Variants in DNM3 observed in about 807,000 individuals in gnomAD.
DNM3 encodes the protein dynamin-3.
Under a neutral mutation model 101.6 loss-of-function variants are expected in DNM3, and 47 were observed. That is an observed-to-expected ratio of 0.46 (90% confidence interval 0.37 to 0.59). DNM3 has a LOEUF of 0.59. DNM3 is among the 20% of genes least tolerant of loss of function. DNM3 has a pLI of 0.00. For synonymous variants in DNM3, 385 were observed against 387.9 expected, an observed-to-expected ratio of 0.99 and a Z score of 0.09; for missense variants, 849 against 1,085.7, an observed-to-expected ratio of 0.78 and a Z score of 3.06.
chr1:172,177,230 C>T (rs567385395), intron 14 of DNM3, among the ~76,000 whole-genome samples: 4 of 151,232 alleles, frequency 2.6e-5, no homozygotes, highest in Admixed American at 2.0e-4. Flanking sequence ...AACTGTGGTC[C>T]GAAAATAGGT....
intron 10 of DNM3, among the ~76,000 whole-genome samples, chr1:172,053,626 T>A (rs983529733): frequency 3.9e-5 from 6 of 152,180 alleles, no homozygotes; most frequent in Non-Finnish European, 7.3e-5. Flanking sequence ...TTATAAATAT[T>A]TACTAACAAT....
chr1:172,295,665 C>T (rs1305681400), intron 15 of DNM3, among the ~76,000 whole-genome samples: 2 of 151,892 alleles, frequency 1.3e-5, no homozygotes, highest in Non-Finnish European at 2.9e-5. Flanking sequence ...ACAAAAGAAA[C>T]AGTCAGCATT....
intron 15 of DNM3, among the ~76,000 whole-genome samples, chr1:172,274,872 T>TA (rs2063221504): frequency 6.6e-6 from 1 of 151,946 alleles, no homozygotes; most frequent in African/African-American, 2.4e-5. Context: ...CAAGACAGAC[T>TA]AGTCCACTGA....
At chr1:172,177,652 G>A (rs1465076039) in intron 14 of DNM3, among the ~76,000 whole-genome samples, 1 of 151,880 alleles carries the variant, frequency 6.6e-6, no homozygotes, top group Non-Finnish European at 1.5e-5. Flanking sequence ...GTAAGAGTTA[G>A]GGATGAGACA....
chr1:172,109,164 T>C (rs2055276980), intron 13 of DNM3, among the ~76,000 whole-genome samples: 2 of 152,340 alleles, frequency 1.3e-5, no homozygotes, highest in African/African-American at 4.8e-5. Context: ...CGAGTCATTT[T>C]ATTGTTTCCT....
intron 20 of DNM3, among the ~76,000 whole-genome samples, chr1:172,403,334 G>A (rs531238083): frequency 6.6e-5 from 10 of 152,154 alleles, no homozygotes; most frequent in African/African-American, 2.4e-4. Context: ...GAGGAAAGGT[G>A]GTTTTCACAC....
intron 14 of DNM3, among the ~76,000 whole-genome samples, chr1:172,134,121 C>T (rs2057091315): frequency 6.6e-6 from 1 of 152,094 alleles, no homozygotes. Context: ...ATGGTCCAGG[C>T]AAGAGAGGAT....
chr1:171,917,530 G>A (rs2039815440), intron 1 of DNM3, among the ~76,000 whole-genome samples: 1 of 152,162 alleles, frequency 6.6e-6, no homozygotes, highest in African/African-American at 2.4e-5. Context: ...TGTTAACACT[G>A]AAGATTAACG....
chr1:172,399,718 T>A (rs754067470), intron 20 of DNM3: 2 of 152,154 alleles, frequency 1.3e-5, no homozygotes, highest in Admixed American at 6.5e-5. Flanking sequence ...TAAAAAAAAA[T>A]AACTGGGACG....
At chr1:172,113,984 TG>T (rs1355949526) in intron 13 of DNM3, among the ~76,000 whole-genome samples, 2 of 151,890 alleles carry the variant, frequency 1.3e-5, no homozygotes, top group Non-Finnish European at 2.9e-5. Flanking sequence ...CTTCTGGGGG[TG>T]GGGTGGTAAA....
intron 15 of DNM3, among the ~76,000 whole-genome samples, chr1:172,286,191 C>T (rs2148802658): frequency 6.6e-6 from 1 of 152,108 alleles, no homozygotes; most frequent in Non-Finnish European, 1.5e-5. Context: ...GACTGGGCAG[C>T]AATTTTTCCT....
intron 1 of DNM3, among the ~76,000 whole-genome samples, chr1:171,903,477 A>G (rs1232577217): frequency 2.0e-5 from 3 of 152,190 alleles, no homozygotes; most frequent in African/African-American, 4.8e-5. Flanking sequence ...ATTTTTAGAG[A>G]CATTTCCCAA....
intron 14 of DNM3, among the ~76,000 whole-genome samples, chr1:172,145,422 C>G (rs2057837891): frequency 6.8e-6 from 1 of 148,102 alleles, no homozygotes; most frequent in Non-Finnish European, 1.5e-5. Flanking sequence ...TTCTCTCCTT[C>G]TCTCTCTCCC....
At chr1:172,200,376 A>G (rs966651293) in intron 14 of DNM3, among the ~76,000 whole-genome samples, 1 of 152,086 alleles carries the variant, frequency 6.6e-6, no homozygotes, top group African/African-American at 2.4e-5. Flanking sequence ...TCTGACAGTT[A>G]TGGCCTTAGG....
chr1:172,354,527 A>G (rs1295765098), intron 17 of DNM3, among the ~76,000 whole-genome samples: 1 of 152,172 alleles, frequency 6.6e-6, no homozygotes, highest in East Asian at 1.9e-4. Flanking sequence ...ACAATGAGAA[A>G]TCTCAAATCT....
chr1:172,243,967 A>T (rs2061846040), intron 14 of DNM3, among the ~76,000 whole-genome samples: 1 of 152,014 alleles, frequency 6.6e-6, no homozygotes, highest in Non-Finnish European at 1.5e-5. Context: ...TGCACCCACT[A>T]ACTCGTCATC....
At position 172,411,760 on chromosome 1, in the gene DNM3, G is replaced by A. The variant is rs974843745; in HGVS notation, c.*3919G>A. 1.0e-6 allele frequency: 1 copy of A among 985,308 alleles called. No individual in the cohort carries two copies. Among genetic ancestry groups the A allele is most frequent in the Non-Finnish European group, 1.2e-6 (1 of 829,838 alleles). The allele number at this position is 985,308 out of a possible 1,614,324, so 61.0% of individuals were successfully genotyped here. On this transcript the variant is annotated 3_prime_UTR_variant, in exon 21 of 21. Coordinates refer to ENST00000627582, the MANE Select transcript of DNM3 (RefSeq NM_015569.5). ...CTAGGTCTCTAACTGTTGAACTCAT[G>A]AAAGAAGATAGTGTATGAGACTTAA...
rs986049036 is a variant in DNM3 at position 172,288,001 on chromosome 1, A to C, written c.1770-20727A>C. ...TGTCTGACCAAGGAAAAGTATTTTAAATAAATGAGGGATACTAAGCTAATT... is the reference window on the plus strand; with the variant it reads ...TGTCTGACCAAGGAAAAGTATTTTACATAAATGAGGGATACTAAGCTAATT... On this transcript the variant is annotated intron_variant, in intron 15 of 20. Coordinates refer to ENST00000627582, the MANE Select transcript of DNM3 (RefSeq NM_015569.5). Among the ~76,000 whole-genome samples the C allele has an allele frequency of 2.0e-5, 3 of 152,026 alleles. No homozygotes were observed. In the East Asian group the frequency reaches 5.8e-4, roughly 29 times the overall value.
chr1:172,206,815 C>A (rs1404461547), intron 14 of DNM3, among the ~76,000 whole-genome samples: 1 of 152,058 alleles, frequency 6.6e-6, no homozygotes, highest in East Asian at 1.9e-4. Context: ...TTCTCTAAAC[C>A]TATTTCGTAC....
Sources: gnomAD v4.1 joint callset for allele counts (sites outside exome capture counted in the v4.1 genomes callset) on GRCh38, gnomAD v4.1.1 for gene constraint, MANE v1.5 for transcripts, NCBI Gene and HGNC (gene_info 2026-07-23, HGNC 2026-07-21) for gene names.